Variants in ERC2 observed in about 807,000 individuals in gnomAD.
ERC2 encodes ERC protein 2.
In ERC2, 42 loss-of-function variants were observed where a neutral mutation model predicts 114.8. That is an observed-to-expected ratio of 0.37 (90% CI 0.29 to 0.47). The LOEUF is 0.47. ERC2 is among the 20% of genes least tolerant of loss of function. The pLI is 0.99. For missense variants in ERC2, 939 were observed against 1,150.7 expected (o/e 0.82, Z 2.66); for synonymous variants, 454 against 425.5 (o/e 1.07, Z -0.82).
intron 1 of ERC2, among the ~76,000 whole-genome samples, chr3:56,441,198 C>T (rs2107446641): frequency 6.6e-6 from 1 of 152,308 alleles, no homozygotes; most frequent in South Asian, 2.1e-4. Context: ...TGAAATACCA[C>T]ATACAGAGAG....
Position 55,780,485 on chromosome 3 carries a change from T to A in ERC2, c.2565-45567A>T, listed in dbSNP as rs2068952436. ...CCAAAAAACCCACAATAAATAGACA[T>A]AACAAAAAATTATGAGTTCCAATTT... On this transcript the variant is annotated intron_variant, in intron 14 of 17. Coordinates refer to ENST00000288221, the MANE Select transcript of ERC2 (RefSeq NM_015576.3). Among the ~76,000 whole-genome samples, 4 of 151,960 alleles carry A rather than the reference T, an allele frequency of 2.6e-5. No individual in the cohort carries two copies. The South Asian group carries it at 8.3e-4, about 32-fold the overall frequency.
At chr3:55,654,044 A>T (rs1442599842) in intron 17 of ERC2, among the ~76,000 whole-genome samples, 1 of 152,254 alleles carries the variant, frequency 6.6e-6, no homozygotes, top group East Asian at 1.9e-4. Flanking sequence ...GATAGCTGGG[A>T]AAACAGTTTG....
chr3:55,802,652 T>C (rs563150531), intron 14 of ERC2, among the ~76,000 whole-genome samples: 1 of 152,366 alleles, frequency 6.6e-6, no homozygotes, highest in East Asian at 1.9e-4. Context: ...TCCTGTCCTA[T>C]ATTGAAATAC....
At chr3:55,537,590 C>T (rs1335089355) in intron 17 of ERC2, among the ~76,000 whole-genome samples, 1 of 152,210 alleles carries the variant, frequency 6.6e-6, no homozygotes, top group Non-Finnish European at 1.5e-5. Flanking sequence ...AATTAAAAAG[C>T]TCTCCCCGCT....
intron 1 of ERC2, among the ~76,000 whole-genome samples, chr3:56,452,967 A>G (rs1047824269): frequency 1.2e-4 from 18 of 152,218 alleles, no homozygotes; most frequent in African/African-American, 4.3e-4. Context: ...TTTCTTCCTC[A>G]TGAGTAAAAT....
intron 17 of ERC2, among the ~76,000 whole-genome samples, chr3:55,552,392 C>T (rs1472327605): frequency 1.3e-5 from 2 of 152,258 alleles, no homozygotes; most frequent in Non-Finnish European, 2.9e-5. Flanking sequence ...CCATTTATTG[C>T]TTTCTCCTCC....
chr3:55,610,474 C>T lies in ERC2; in HGVS notation c.*39+73320G>A, dbSNP rs79612915. The T allele has an allele frequency of 1.8e-3, 268 of 150,178 alleles. 1 individual carries two copies. Among genetic ancestry groups the T allele is most frequent in the African/African-American group, 5.9e-3 (242 of 40,822 alleles). The allele number at this position is 150,178 out of a possible 1,614,324, so 9.3% of individuals were successfully genotyped here. On this transcript the variant is annotated intron_variant, in intron 17 of 17. Coordinates refer to ENST00000288221, the MANE Select transcript of ERC2 (RefSeq NM_015576.3). ...AAAGAAACTTCAAGATAGCAGCCTG[C>T]GCAACATAGTGAAATCCCATCTCTA...
Position 56,134,910 on chromosome 3 carries a change from CT to C in ERC2, c.1473+4598del, listed in dbSNP as rs200683385. On this transcript the variant is annotated intron_variant, in intron 6 of 17. Transcript: ENST00000288221. ...CCAGAAATCAGAAATAAATCTCTCTCTTTTTTTTTGTTTTTTTTTGTTTTTG... is the reference window on the plus strand; with the variant it reads ...CCAGAAATCAGAAATAAATCTCTCTCTTTTTTTTGTTTTTTTTTGTTTTTG... Among the ~76,000 whole-genome samples the C allele has an allele frequency of 1.7e-4, 19 of 114,256 alleles. 1 individual carries two copies. In the South Asian group the frequency reaches 5.5e-3, roughly 33 times the overall value. The allele number at this position is 114,256 out of a possible 152,430, so 75.0% of individuals were successfully genotyped here.
intron 16 of ERC2, among the ~76,000 whole-genome samples, chr3:55,693,608 G>C (rs1250288405): frequency 1.3e-5 from 2 of 152,094 alleles, no homozygotes; most frequent in Admixed American, 1.3e-4. Context: ...AGGTAAAATG[G>C]GGGGAAATGG....
At chr3:55,949,075 T>G (rs978822323) in intron 13 of ERC2, among the ~76,000 whole-genome samples, 2 of 152,068 alleles carry the variant, frequency 1.3e-5, no homozygotes, top group African/African-American at 4.8e-5. Context: ...TCTTTAAAGT[T>G]CTGGGCCCAC....
chr3:56,132,392 T>G (rs2080253652), intron 6 of ERC2, among the ~76,000 whole-genome samples: 1 of 152,234 alleles, frequency 6.6e-6, no homozygotes, highest in African/African-American at 2.4e-5. Context: ...GTTTGTGTTA[T>G]CACACTGAGT....
intron 14 of ERC2, among the ~76,000 whole-genome samples, chr3:55,778,874 G>A (rs1159922776): frequency 6.6e-6 from 1 of 151,994 alleles, no homozygotes; most frequent in Non-Finnish European, 1.5e-5. Flanking sequence ...TTTAATCAAG[G>A]AGAAAAAGGT....
At chr3:56,071,930 A>G (rs553595105) in intron 7 of ERC2, among the ~76,000 whole-genome samples, 4 of 152,332 alleles carry the variant, frequency 2.6e-5, no homozygotes, top group African/African-American at 9.6e-5. Context: ...GTATCGATCA[A>G]TTGGTTAAAG....
At chr3:56,051,826 A>AC (rs2075782085) in intron 7 of ERC2, among the ~76,000 whole-genome samples, 2 of 130,028 alleles carry the variant, frequency 1.5e-5, no homozygotes, top group African/African-American at 5.6e-5. Flanking sequence ...CTCCATCTCA[A>AC]ACACACACAC....
At chr3:55,532,228 C>T (rs765753254) in intron 17 of ERC2, among the ~76,000 whole-genome samples, 5 of 152,204 alleles carry the variant, frequency 3.3e-5, no homozygotes, top group East Asian at 3.9e-4. Context: ...CTTGTCCCAG[C>T]TTTAACATGA....
intron 14 of ERC2, among the ~76,000 whole-genome samples, chr3:55,755,287 TGAG>T (rs2066980460): frequency 6.6e-6 from 1 of 152,096 alleles, no homozygotes; most frequent in African/African-American, 2.4e-5. Context: ...GCATTCACGA[TGAG>T]GAATGACCGA....
intron 14 of ERC2, among the ~76,000 whole-genome samples, chr3:55,856,430 T>C (rs2061786818): frequency 6.6e-6 from 1 of 152,208 alleles, no homozygotes; most frequent in South Asian, 2.1e-4. Context: ...ATCGGCGCTG[T>C]TCTGAGCACC....
chr3:56,158,808 G>GTTT (rs11440217), intron 4 of ERC2, among the ~76,000 whole-genome samples: 31,580 of 149,848 alleles, frequency 0.21, 4,209 homozygotes, highest in Non-Finnish European at 0.29. Flanking sequence ...TAACAAACTT[G>GTTT]TTTTTTTTCA....
chr3:56,096,589 A>C (rs1177398960), intron 6 of ERC2, among the ~76,000 whole-genome samples: 1 of 152,236 alleles, frequency 6.6e-6, no homozygotes, highest in Admixed American at 6.5e-5. Context: ...TTTATATACA[A>C]GGTAGGTATT....
Sources: gnomAD v4.1 joint callset for allele counts (sites outside exome capture counted in the v4.1 genomes callset) on GRCh38, gnomAD v4.1.1 for gene constraint, MANE v1.5 for transcripts, NCBI Gene and HGNC (gene_info 2026-07-23, HGNC 2026-07-21) for gene names.